Variants in SPOCK1 observed in about 807,000 individuals in gnomAD.
The protein encoded by SPOCK1 is SPARC (osteonectin), cwcv and kazal like domains proteoglycan 1, also known as testican-1.
In SPOCK1, 23 loss-of-function variants were observed where a neutral mutation model predicts 55.3. The ratio of observed to expected loss-of-function variants is 0.42; its 90% CI spans 0.30 to 0.59. The LOEUF (loss-of-function observed/expected upper bound fraction) is 0.59. Ranked by LOEUF, SPOCK1 falls within the 20% of genes least tolerant of loss-of-function variation. The probability of loss-of-function intolerance (pLI) is 0.22; values close to 1 mark genes in which losing one functional copy is unlikely to be tolerated. For synonymous variants in SPOCK1, 226 were observed against 221.0 expected, an observed-to-expected ratio of 1.02 and a Z score of -0.20; for missense variants, 499 against 552.5, an observed-to-expected ratio of 0.90 and a Z score of 0.97.
At chr5:137,494,931 A>G (rs1421917208) in intron 2 of SPOCK1, among the ~76,000 whole-genome samples, 1 of 152,250 alleles carries the variant, frequency 6.6e-6, no homozygotes, top group Non-Finnish European at 1.5e-5. Flanking sequence ...ACCTCAAGCC[A>G]TGGAGGAGTT....
chr5:137,254,531 T>A (rs1365037867), intron 3 of SPOCK1, among the ~76,000 whole-genome samples: 1 of 152,220 alleles, frequency 6.6e-6, no homozygotes, highest in Non-Finnish European at 1.5e-5. Flanking sequence ...TGTCTTTAAA[T>A]AAGATGTGGA....
chr5:137,250,094 TAAAAC>T (rs1349901197), intron 3 of SPOCK1, among the ~76,000 whole-genome samples: 1 of 152,170 alleles, frequency 6.6e-6, no homozygotes, highest in African/African-American at 2.4e-5. Context: ...GTGAAAAACT[TAAAAC>T]AATATTTCAT....
At chr5:137,224,815 A>G (rs1253444618) in intron 3 of SPOCK1, among the ~76,000 whole-genome samples, 1 of 152,126 alleles carries the variant, frequency 6.6e-6, no homozygotes, top group Admixed American at 6.5e-5. Flanking sequence ...TGCTGCAATG[A>G]CCTGGGAAGA....
intron 3 of SPOCK1, among the ~76,000 whole-genome samples, chr5:137,252,504 G>A (rs1756553686): frequency 6.6e-6 from 1 of 152,102 alleles, no homozygotes; most frequent in Non-Finnish European, 1.5e-5. Flanking sequence ...TTAATGTCAG[G>A]CATTATCTTT....
chr5:137,371,241 G>A (rs1458559263), intron 2 of SPOCK1, among the ~76,000 whole-genome samples: 4 of 152,324 alleles, frequency 2.6e-5, no homozygotes, highest in Admixed American at 6.5e-5. Context: ...GCTCCCTCAC[G>A]TCCTGGCTGC....
intron 5 of SPOCK1, among the ~76,000 whole-genome samples, chr5:137,079,050 C>T (rs56376768): frequency 0.012 from 1,863 of 152,322 alleles, 19 homozygotes; most frequent in Non-Finnish European, 0.017. Flanking sequence ...TCGGTCTCCT[C>T]GGCCATGTCC....
chr5:136,976,475 T>A lies in SPOCK1; in HGVS notation c.*2179A>T, dbSNP rs952277517. 1 of 152,654 alleles carries A rather than the reference T, an allele frequency of 6.6e-6. No homozygotes were observed. Among genetic ancestry groups the A allele is most frequent in the Non-Finnish European group, 1.5e-5 (1 of 68,042 alleles). The allele number at this position is 152,654 out of a possible 1,614,324, so 9.5% of individuals were successfully genotyped here. A position where few individuals can be genotyped will look rare whatever the true frequency, so the allele number is the denominator to read the frequency against. ...GGTTCACCCTGTTCCTAGAAGTTTT[T>A]CTAAGTGAAATCAATTTTTCAATTT... On this transcript the variant is annotated 3_prime_UTR_variant, in exon 11 of 11. Transcript: ENST00000394945.
chr5:137,189,291 G>C (rs557111652), intron 3 of SPOCK1, among the ~76,000 whole-genome samples: 1 of 152,222 alleles, frequency 6.6e-6, no homozygotes, highest in South Asian at 2.1e-4. Flanking sequence ...TAGCTAGAAA[G>C]GAGAAGTCAA....
intron 2 of SPOCK1, among the ~76,000 whole-genome samples, chr5:137,442,196 G>T (rs1753029140): frequency 6.6e-6 from 1 of 152,212 alleles, no homozygotes; most frequent in African/African-American, 2.4e-5. Flanking sequence ...TGTTTGAAAT[G>T]TTTTGGGTCA....
intron 4 of SPOCK1, among the ~76,000 whole-genome samples, chr5:137,128,087 G>C (rs934530892): frequency 6.6e-6 from 1 of 152,186 alleles, no homozygotes; most frequent in African/African-American, 2.4e-5. Context: ...TGAAAGTGGA[G>C]ACCTCATGAA....
At chr5:137,287,654 C>A (rs1757294552) in intron 2 of SPOCK1, among the ~76,000 whole-genome samples, 1 of 152,222 alleles carries the variant, frequency 6.6e-6, no homozygotes, top group Non-Finnish European at 1.5e-5. Flanking sequence ...TAGATAGACA[C>A]TAGTGAAGAG....
intron 3 of SPOCK1, among the ~76,000 whole-genome samples, chr5:137,193,252 T>C (rs757197672): frequency 1.3e-5 from 2 of 151,326 alleles, no homozygotes; most frequent in Non-Finnish European, 2.9e-5. Flanking sequence ...AATTAGGAGG[T>C]TGCTGCAATT....
At chr5:137,397,323 T>A (rs1055186427) in intron 2 of SPOCK1, among the ~76,000 whole-genome samples, 1 of 152,240 alleles carries the variant, frequency 6.6e-6, no homozygotes, top group Admixed American at 6.5e-5. Context: ...TGGATGCCAG[T>A]GGTGATGGAC....
intron 5 of SPOCK1, among the ~76,000 whole-genome samples, chr5:137,108,533 T>C (rs1753408388): frequency 6.6e-6 from 1 of 152,136 alleles, no homozygotes; most frequent in African/African-American, 2.4e-5. Flanking sequence ...AGATCACAGA[T>C]ACCCAGGCAG....
At chr5:137,215,104 T>C (rs1224337157) in intron 3 of SPOCK1, among the ~76,000 whole-genome samples, 1 of 152,200 alleles carries the variant, frequency 6.6e-6, no homozygotes, top group Non-Finnish European at 1.5e-5. Flanking sequence ...GTCTGTAATT[T>C]CAATGGGAGA....
intron 6 of SPOCK1, among the ~76,000 whole-genome samples, chr5:136,998,333 C>T (rs1003498254): frequency 1.2e-4 from 19 of 152,196 alleles, no homozygotes; most frequent in African/African-American, 2.7e-4. Flanking sequence ...TCCCCACACC[C>T]GTATTCTTAG....
chr5:137,087,950 C>T (rs1036470676), intron 5 of SPOCK1, among the ~76,000 whole-genome samples: 7 of 152,192 alleles, frequency 4.6e-5, no homozygotes, highest in African/African-American at 1.7e-4. Context: ...TTCTCTAAGC[C>T]TGTTGGTGCC....
At chr5:137,245,126 T>C (rs1274348013) in intron 3 of SPOCK1, among the ~76,000 whole-genome samples, 1 of 152,194 alleles carries the variant, frequency 6.6e-6, no homozygotes, top group Non-Finnish European at 1.5e-5. Flanking sequence ...TAACAAGGTA[T>C]TAGTGAACAT....
chr5:137,206,506 A>T (rs1689230206), intron 3 of SPOCK1, among the ~76,000 whole-genome samples: 1 of 152,204 alleles, frequency 6.6e-6, no homozygotes, highest in Non-Finnish European at 1.5e-5. Flanking sequence ...CAGGGCCATG[A>T]CTCAGTGGAA....
Sources: gnomAD v4.1 joint callset for allele counts (sites outside exome capture counted in the v4.1 genomes callset) on GRCh38, gnomAD v4.1.1 for gene constraint, MANE v1.5 for transcripts, NCBI Gene and HGNC (gene_info 2026-07-23, HGNC 2026-07-21) for gene names.